MANEAL: variants seen among roughly 807,000 people sequenced by gnomAD.
MANEAL encodes the protein mannosidase endo-alpha like.
A neutral mutation model predicts 35.9 loss-of-function variants in MANEAL; 28 were observed. The observed-to-expected ratio is 0.78, with a 90% CI of 0.58 to 1.07. The LOEUF is 1.07. MANEAL is among the 50% of genes least tolerant of loss of function. The pLI is 0.00. For missense variants in MANEAL, 576 were observed against 629.6 expected (o/e 0.91, Z 0.91); for synonymous variants, 286 against 272.2 (o/e 1.05, Z -0.50).
At chr1:37,795,503 T>G in intron 1 of MANEAL, 3 of 1,358,008 alleles carry the variant, frequency 2.2e-6, no homozygotes, top group Non-Finnish European at 2.9e-6. Flanking sequence ...AAAGCCTGGC[T>G]CCCTTCCGGC....
chr1:37,800,046 A>G lies in MANEAL; in HGVS notation c.1217A>G (p.Glu406Gly), dbSNP rs1373252965. The G allele has an allele frequency of 1.9e-6, 3 of 1,614,048 alleles. No homozygotes were observed. The highest frequency in any genetic ancestry group is 2.5e-6 in the Non-Finnish European group (3 of 1,180,038). ...PEIVSITSFN[E>G]WHEGTQIEKA... is the part of the protein sequence containing the mutation. The stretch of plus-strand genomic sequence containing the variant: ...ATCGTTTCCATTACCTCCTTCAATG[A>G]GTGGCACGAGGGCACCCAGATTGAG... Residue 406 changes from glutamate (E) to glycine (G), a missense_variant, in exon 4 of 4, where the codon GAG (glutamate) becomes GGG (glycine). By Grantham distance (98) the Glu-to-Gly change is moderately conservative. This residue lies in a region of MANEAL where 449 missense variants were observed against 516.1 expected (regional missense o/e 0.87). Coordinates refer to ENST00000373045, the MANE Select transcript of MANEAL (RefSeq NM_001113482.2).
Position 37,800,186 on chromosome 1 carries a change from G to C in MANEAL, c.1357G>C (p.Glu453Gln). ...GGCGGAGCACTTCATCAAAGAGAAG[G>C]AGCAGTGGCTCATGTGAGGGGCCTG... is the stretch of plus-strand genomic sequence containing the variant. ...RWAEHFIKEK[E>Q]QWLM The change falls in exon 4 of 4, where the codon GAG (glutamate) becomes CAG (glutamine). Residue 453 changes from glutamate (E) to glutamine (Q), a missense_variant. Around this residue, in one of 3 missense-constraint regions of MANEAL, gnomAD observed 449 missense variants for 516.1 expected, o/e 0.87. Coordinates refer to ENST00000373045, the MANE Select transcript of MANEAL (RefSeq NM_001113482.2). The C allele has an allele frequency of 1.2e-6, 2 of 1,613,208 alleles. No homozygotes were observed. The highest frequency in any genetic ancestry group is 1.7e-6 in the Non-Finnish European group (2 of 1,179,934).
chr1:37,797,531 C>A (rs963711374), intron 3 of MANEAL, among the ~76,000 whole-genome samples: 1 of 146,558 alleles, frequency 6.8e-6, no homozygotes, highest in African/African-American at 2.5e-5. Context: ...TGTGCAGTGG[C>A]ACAATCTTGG....
chr1:37,798,162 C>A (rs12134479), intron 3 of MANEAL, among the ~76,000 whole-genome samples: 38,644 of 149,960 alleles, frequency 0.26, 5,046 homozygotes, highest in Non-Finnish European at 0.28. Flanking sequence ...AAAAAACAAA[C>A]AAAAAAAAAG....
rs1298650553 is a variant in MANEAL, at chr1:37,794,051, G to A, written c.-132G>A. 1.3e-5 allele frequency: 6 copies of A among 452,028 alleles called. No individual in the cohort carries two copies. The highest frequency in any genetic ancestry group is 1.5e-5 in the Non-Finnish European group (5 of 334,568). 28.0% of individuals were successfully genotyped at this position (452,028 alleles called of 1,614,324 possible). On this transcript the variant is annotated 5_prime_UTR_variant, in exon 1 of 4. Coordinates refer to ENST00000373045, the MANE Select transcript of MANEAL (RefSeq NM_001113482.2). The surrounding 1 kb of genome is among the most constrained non-coding windows in gnomAD (Gnocchi z 5.7). Reference sequence around the variant, plus strand: ...GTGCCGAGCCCGCCCGCACTGCGGGGACAGGCCGGGCGCCGCCCACGCCGC... The same window carrying A: ...GTGCCGAGCCCGCCCGCACTGCGGGAACAGGCCGGGCGCCGCCCACGCCGC...
intron 3 of MANEAL, 90 bp downstream of exon 3, chr1:37,796,910 G>A: frequency 2.5e-6 from 3 of 1,206,308 alleles, no homozygotes; most frequent in Non-Finnish European, 2.4e-6. Flanking sequence ...GAGACACAGG[G>A]CATAATGCCT....
Position 37,794,503 on chromosome 1 carries a change from C to T in MANEAL, c.321C>T (p.Ala107=), listed in dbSNP as rs1259621667. 6.8e-6 allele frequency: 11 copies of T among 1,608,976 alleles called. No individual in the cohort carries two copies. The highest frequency in any genetic ancestry group is 9.3e-6 in the Non-Finnish European group (11 of 1,178,674). ...TGCGCGTCTACTCGGACCTGCACGC[C>T]TTCTACTACTCGTGGTACGGGAGCC... The part of the protein sequence containing the change: ...QSLRVYSDLH[A]FYYSWYGSPR... The change falls in exon 1 of 4, where the codon GCC becomes GCT. Residue 107 remains alanine, a synonymous_variant. Coordinates refer to ENST00000373045, the MANE Select transcript of MANEAL (RefSeq NM_001113482.2). The surrounding 1 kb of genome is among the most constrained non-coding windows in gnomAD (Gnocchi z 5.7).
At chr1:37,797,464 CTTTT>C (rs79029579) in intron 3 of MANEAL, among the ~76,000 whole-genome samples, 1 of 116,996 alleles carries the variant, frequency 8.5e-6, no homozygotes, top group Non-Finnish European at 1.9e-5. Flanking sequence ...AATGCCAGTG[CTTTT>C]TTTTTTTTTT....
At position 37,799,715 on chromosome 1, in the gene MANEAL, C is replaced by A; in HGVS notation, c.886C>A (p.Pro296Thr). ...PNGPHSIRNTPYDGVFIALLV... is the reference protein window; with the variant it reads ...PNGPHSIRNTTYDGVFIALLV... Reference sequence around the variant, plus strand: ...CGGGCCCCATTCGATCCGCAACACGCCCTACGATGGGGTCTTCATAGCGCT... The same window carrying A: ...CGGGCCCCATTCGATCCGCAACACGACCTACGATGGGGTCTTCATAGCGCT... The change falls in exon 4 of 4, where the codon CCC becomes ACC. Residue 296 changes from proline to threonine, a missense_variant. Pro to Thr is a conservative substitution (Grantham distance 38). Coordinates refer to ENST00000373045, the MANE Select transcript of MANEAL (RefSeq NM_001113482.2). The surrounding 1 kb of genome is among the most constrained non-coding windows in gnomAD (Gnocchi z 4.1). The A allele has an allele frequency of 6.2e-7, 1 of 1,614,236 alleles. No homozygotes were observed. Among genetic ancestry groups the A allele is most frequent in the Admixed American group, 1.7e-5 (1 of 60,030 alleles).
chr1:37,796,289 TC>T (rs1358888755), intron 2 of MANEAL, among the ~76,000 whole-genome samples: 1 of 152,004 alleles, frequency 6.6e-6, no homozygotes, highest in Non-Finnish European at 1.5e-5. Flanking sequence ...CATGTGCCAA[TC>T]AAGTAAGTCA....
rs1646673834 is a variant in MANEAL, at chr1:37,799,329, G to A, written c.738-238G>A. On this transcript the variant is annotated intron_variant, in intron 3 of 3. Coordinates refer to ENST00000373045, the MANE Select transcript of MANEAL (RefSeq NM_001113482.2). The surrounding 1 kb of genome is among the most constrained non-coding windows in gnomAD (Gnocchi z 4.1). ...GGAGACCAGTTAGCTGGCTGTTGTT[G>A]CAATCCAGATGGAAGACGGTGGTGG... 6.6e-6 allele frequency among the ~76,000 whole-genome samples: 1 copy of A among 152,212 alleles called. No homozygotes were observed. The highest frequency in any genetic ancestry group is 2.1e-4 in the South Asian group (1 of 4,828).
At chr1:37,795,404 TCTC>T (rs1646636981) in intron 1 of MANEAL, 1 of 806,604 alleles carries the variant, frequency 1.2e-6, no homozygotes, top group Non-Finnish European at 1.6e-6. Context: ...TAGGGGTGCT[TCTC>T]TTCTTCAGAG....
chr1:37,800,095 C>T lies in MANEAL; in HGVS notation c.1266C>T (p.Pro422=), dbSNP rs780999338. 10 of 1,613,680 alleles carry T rather than the reference C, an allele frequency of 6.2e-6. No individual in the cohort carries two copies. Among genetic ancestry groups the T allele is most frequent in the Non-Finnish European group, 5.9e-6 (7 of 1,180,050 alleles). ...AGAAGGCCATTCCCAAGAAGACACCCACCCGCCTGTATTTGGACTACCTGC... is the reference window on the plus strand; with the variant it reads ...AGAAGGCCATTCCCAAGAAGACACCTACCCGCCTGTATTTGGACTACCTGC... ...QIEKAIPKKT[P]TRLYLDYLPH... is the part of the protein sequence containing the mutation. The change falls in exon 4 of 4, where the codon CCC becomes CCT. Residue 422 remains proline (P), a synonymous_variant. Transcript: ENST00000373045.
At chr1:37,795,535 A>T (rs1646638229) in intron 1 of MANEAL, 72 of 1,395,800 alleles carry the variant, frequency 5.2e-5, no homozygotes, top group Non-Finnish European at 6.7e-5. Flanking sequence ...CGGTTCCCGC[A>T]GGCGCTCCGC....
Position 37,794,242 on chromosome 1 carries a change from C to T in MANEAL, c.60C>T (p.Phe20=), listed in dbSNP as rs1569805238. The part of the protein sequence containing the change: ...IALFLVLLFA[F]GTLMGLRTLK... ...TGTTCCTGGTGCTGCTCTTCGCCTT[C>T]GGCACCCTCATGGGTCTGCGCACGC... Residue 20 remains phenylalanine, a synonymous_variant, in exon 1 of 4, where the codon TTC becomes TTT. Transcript: ENST00000373045. The surrounding 1 kb of genome is among the most constrained non-coding windows in gnomAD (Gnocchi z 5.7). 7 of 1,334,912 alleles carry T rather than the reference C, an allele frequency of 5.2e-6. No individual in the cohort carries two copies. The highest frequency in any genetic ancestry group is 3.1e-5 in the African/African-American group (2 of 64,412). 82.7% of individuals were successfully genotyped at this position (1,334,912 alleles called of 1,614,324 possible).
intron 3 of MANEAL, among the ~76,000 whole-genome samples, chr1:37,797,029 T>G (rs1646651099): frequency 6.6e-6 from 1 of 152,228 alleles, no homozygotes; most frequent in African/African-American, 2.4e-5. Context: ...GGCAAGCCTC[T>G]TAACCTTTGA....
chr1:37,794,247 C>G lies in MANEAL; in HGVS notation c.65C>G (p.Thr22Ser), dbSNP rs769249914. The change falls in exon 1 of 4, where the codon ACC becomes AGC. Residue 22 changes from threonine (T) to serine (S), a missense_variant. Coordinates refer to ENST00000373045, the MANE Select transcript of MANEAL (RefSeq NM_001113482.2). The surrounding 1 kb of genome is among the most constrained non-coding windows in gnomAD (Gnocchi z 5.7). ...CTGGTGCTGCTCTTCGCCTTCGGCA[C>G]CCTCATGGGTCTGCGCACGCTCAAG... is the stretch of plus-strand genomic sequence containing the variant. Reference protein sequence around the residue: ...LFLVLLFAFGTLMGLRTLKAP... With the variant: ...LFLVLLFAFGSLMGLRTLKAP... The G allele has an allele frequency of 3.3e-5, 44 of 1,331,534 alleles. No homozygotes were observed. In the South Asian group the frequency reaches 5.8e-4, roughly 18 times the overall value. 82.5% of individuals were successfully genotyped at this position (1,331,534 alleles called of 1,614,324 possible).
In MANEAL at chr1:37,799,121, C is replaced by T. The variant is rs986088915; in HGVS notation, c.738-446C>T. ...AAGATCCGGAGGCAGGGAGAAAATT[C>T]CAAGCAGAGGGCTGGCAGATGCAAG... On this transcript the variant is annotated intron_variant, in intron 3 of 3. Transcript: ENST00000373045. The surrounding 1 kb of genome is among the most constrained non-coding windows in gnomAD (Gnocchi z 4.1). Among the ~76,000 whole-genome samples, 21 of 151,870 alleles carry T rather than the reference C, an allele frequency of 1.4e-4. No individual in the cohort carries two copies. Among genetic ancestry groups the T allele is most frequent in the African/African-American group, 4.8e-4 (20 of 41,318 alleles).
intron 1 of MANEAL, 110 bp from the exon 2 acceptor site, chr1:37,795,627 C>T: frequency 6.4e-7 from 1 of 1,559,604 alleles, no homozygotes; most frequent in East Asian, 2.3e-5. Flanking sequence ...AGGAGGCTTG[C>T]TTCAGGTTTT....
Sources: allele counts gnomAD v4.1 joint callset (sites outside exome capture counted in the v4.1 genomes callset), GRCh38; gene constraint gnomAD v4.1.1; regional missense constraint gnomAD v4.1.1; non-coding constraint Gnocchi (gnomAD v3.1); transcripts MANE v1.5; gene names NCBI Gene and HGNC (gene_info 2026-07-23, HGNC 2026-07-21).